The following HOXC5 variants were observed in gnomAD, a reference collection of about 807,000 sequenced individuals.
HOXC5 encodes the protein homeobox protein Hox-C5.
A neutral mutation model predicts 20.1 loss-of-function variants in HOXC5; 19 were observed. The ratio of observed to expected loss-of-function variants is 0.94; its 90% CI spans 0.66 to 1.38. The LOEUF (loss-of-function observed/expected upper bound fraction) is 1.38, where lower values mean the gene tolerates loss of function less well. HOXC5 is among the 40% of genes most tolerant of loss of function. HOXC5 has a pLI of 0.00. For missense variants in HOXC5, 330 were observed against 300.1 expected, an observed-to-expected ratio of 1.10 and a Z score of -0.74; for synonymous variants, 124 against 117.0, an observed-to-expected ratio of 1.06 and a Z score of -0.39.
chr12:54,019,358 C>CGCG, the HOXC5 span, among the ~76,000 whole-genome samples: 1 of 152,172 alleles, frequency 6.6e-6, no homozygotes, highest in Non-Finnish European at 1.5e-5. Flanking sequence ...GCTGATGCCC[C>CGCG]GCGGATCCAG....
rs1328200653 is a variant in HOXC5, at chr12:54,033,282, C to T, written c.160C>T (p.Pro54Ser). Residue 54 changes from proline to serine, a missense_variant, in exon 1 of 2, where the codon CCT becomes TCT. By Grantham distance (74) the Pro-to-Ser change is moderately conservative. Transcript: ENST00000312492. Reference protein sequence around the residue: ...DLSITFPPPAPSNSLHGVDMA... With the variant: ...DLSITFPPPASSNSLHGVDMA... ...AAGCATCACTTTCCCACCGCCTGCG[C>T]CTTCCAACTCTCTCCACGGGGTAGA... 1.9e-6 allele frequency: 3 copies of T among 1,614,076 alleles called. No homozygotes were observed. Among genetic ancestry groups the T allele is most frequent in the Non-Finnish European group, 2.5e-6 (3 of 1,180,048 alleles).
At chr12:54,020,821 C>T in the HOXC5 span, 1 of 152,202 alleles carries the variant, frequency 6.6e-6, no homozygotes, top group Non-Finnish European at 1.5e-5. Context: ...TAAAGGCTTT[C>T]TCAGACCTTA....
At chr12:54,018,010 G>C in the HOXC5 span, among the ~76,000 whole-genome samples, 18 of 152,332 alleles carry the variant, frequency 1.2e-4, no homozygotes, top group Admixed American at 6.5e-4. Flanking sequence ...GGCGGCCGGC[G>C]GGGCCTGTTA....
the HOXC5 span, among the ~76,000 whole-genome samples, chr12:54,024,690 C>T: frequency 6.6e-6 from 1 of 152,002 alleles, no homozygotes; most frequent in Non-Finnish European, 1.5e-5. Context: ...CAGTTCAGAG[C>T]TCACATGCCC....
chr12:54,027,571 TTC>T, the HOXC5 span, among the ~76,000 whole-genome samples: 1 of 152,216 alleles, frequency 6.6e-6, no homozygotes, highest in African/African-American at 2.4e-5. Context: ...CTCTCTCTCT[TTC>T]TCTCTGTCTT....
upstream of HOXC5, chr12:54,029,878 G>C (rs1940915029): frequency 1.2e-6 from 2 of 1,612,586 alleles, no homozygotes; most frequent in African/African-American, 1.3e-5. Flanking sequence ...CTCTCTCGGG[G>C]GGCGGCGGAG....
chr12:54,022,602 G>T, the HOXC5 span: 1 of 152,006 alleles, frequency 6.6e-6, no homozygotes, highest in Non-Finnish European at 1.5e-5. Context: ...GGGAAATGAG[G>T]ATGCTGTTTT....
chr12:54,023,781 G>A, the HOXC5 span, among the ~76,000 whole-genome samples: 2,340 of 152,170 alleles, frequency 0.015, 36 homozygotes, highest in South Asian at 0.055. Context: ...TTTGGAATGC[G>A]GTGTGTGTAG....
chr12:54,018,723 G>A, the HOXC5 span, among the ~76,000 whole-genome samples: 3 of 147,172 alleles, frequency 2.0e-5, no homozygotes, highest in African/African-American at 7.3e-5. Flanking sequence ...CGACGCACAC[G>A]CAAACGCCTA....
upstream of HOXC5, chr12:54,029,974 C>A: frequency 6.6e-7 from 1 of 1,522,384 alleles, no homozygotes; most frequent in East Asian, 2.3e-5. Context: ...CAGGACTGTC[C>A]CTGCCACCCC....
the HOXC5 span, chr12:54,022,706 T>G: frequency 2.0e-5 from 3 of 151,894 alleles, no homozygotes; most frequent in Non-Finnish European, 2.9e-5. Flanking sequence ...GGAAAAAACA[T>G]GAAAGGAGGG....
At chr12:54,031,746 G>A (rs534404868), upstream of HOXC5, among the ~76,000 whole-genome samples, 3 of 152,306 alleles carry the variant, frequency 2.0e-5, no homozygotes, top group African/African-American at 7.2e-5. Flanking sequence ...CTGGCGGGGC[G>A]GAGATTTCCT....
chr12:54,034,027 C>T, intron 1 of HOXC5: 1 of 686,608 alleles, frequency 1.5e-6, no homozygotes, highest in Non-Finnish European at 2.7e-6. Context: ...CTGGGTCTCC[C>T]TCTTCCCCCC....
upstream of HOXC5, chr12:54,028,877 G>A: frequency 6.2e-7 from 1 of 1,613,620 alleles, no homozygotes; most frequent in Non-Finnish European, 8.5e-7. Flanking sequence ...CAGAAAGCCA[G>A]TATCCAGATT....
upstream of HOXC5, chr12:54,029,511 CAAGGCAA>C (rs1413759739): frequency 5.2e-6 from 3 of 576,962 alleles, no homozygotes; most frequent in Non-Finnish European, 7.9e-6. Flanking sequence ...GGGGGTGGGG[CAAGGCAA>C]AAGGGAGAAG....
chr12:54,018,874 TC>T, the HOXC5 span, among the ~76,000 whole-genome samples: 1 of 152,128 alleles, frequency 6.6e-6, no homozygotes, highest in African/African-American at 2.4e-5. Context: ...CGACTGGGAT[TC>T]TGCGCCAAGT....
chr12:54,021,889 CT>C, the HOXC5 span: 1 of 152,334 alleles, frequency 6.6e-6, no homozygotes, highest in African/African-American at 2.4e-5. Context: ...AAGTGCTGTG[CT>C]ATCCCCGGAC....
the HOXC5 span, among the ~76,000 whole-genome samples, chr12:54,024,447 C>T: frequency 2.0e-5 from 3 of 152,240 alleles, no homozygotes; most frequent in African/African-American, 4.8e-5. Flanking sequence ...CAAACATCCG[C>T]GCAGAGTTAG....
At chr12:54,028,448 CTA>C (rs1409844218), upstream of HOXC5, 1 of 1,499,228 alleles carries the variant, frequency 6.7e-7, no homozygotes, top group Non-Finnish European at 9.1e-7. Context: ...CTATAACCAT[CTA>C]GTTCCGAGTA....
Sources: gnomAD v4.1 joint callset for allele counts (sites outside exome capture counted in the v4.1 genomes callset) on GRCh38, gnomAD v4.1.1 for gene constraint, MANE v1.5 for transcripts, NCBI Gene and HGNC (gene_info 2026-07-23, HGNC 2026-07-21) for gene names.